Variants in ARK2C observed in about 807,000 individuals in gnomAD.
ARK2C encodes arkadia (RNF111) C-terminal like ring finger ubiquitin ligase 2C.
chr18:46,359,672 T>G, the ARK2C span, among the ~76,000 whole-genome samples: 1 of 152,166 alleles, frequency 6.6e-6, no homozygotes, highest in Non-Finnish European at 1.5e-5. Context: ...CAGGAAGAGG[T>G]CTGGAGGTAG....
the ARK2C span, among the ~76,000 whole-genome samples, chr18:46,436,663 G>A: frequency 6.6e-6 from 1 of 152,150 alleles, no homozygotes; most frequent in Non-Finnish European, 1.5e-5. Flanking sequence ...GGAAGTCGTG[G>A]CTTTCACATG....
chr18:46,361,105 T>C, the ARK2C span, among the ~76,000 whole-genome samples: 1 of 152,240 alleles, frequency 6.6e-6, no homozygotes, highest in Admixed American at 6.5e-5. Context: ...GAGCACATTT[T>C]TCCTGATGCC....
the ARK2C span, chr18:46,456,486 G>T: frequency 3.4e-5 from 51 of 1,497,606 alleles, no homozygotes; most frequent in Non-Finnish European, 4.0e-5. Context: ...CTCAGCTCTT[G>T]CCGGGCCTCT....
At chr18:46,363,596 A>G in the ARK2C span, among the ~76,000 whole-genome samples, 4 of 152,180 alleles carry the variant, frequency 2.6e-5, no homozygotes, top group African/African-American at 9.7e-5. Context: ...CACTCAGTGT[A>G]CAGCCCCATC....
At chr18:46,417,818 A>G in the ARK2C span, among the ~76,000 whole-genome samples, 1 of 152,132 alleles carries the variant, frequency 6.6e-6, no homozygotes. Context: ...AGCCTGGCCA[A>G]CATGGTGAAA....
chr18:46,368,387 A>G, the ARK2C span, among the ~76,000 whole-genome samples: 2 of 152,180 alleles, frequency 1.3e-5, no homozygotes, highest in Non-Finnish European at 2.9e-5. Context: ...CTAAACCCCC[A>G]GAACCACTGG....
At chr18:46,381,112 C>T in the ARK2C span, among the ~76,000 whole-genome samples, 1 of 152,378 alleles carries the variant, frequency 6.6e-6, no homozygotes, top group African/African-American at 2.4e-5. Flanking sequence ...ACAAGGCTAT[C>T]TCTCTGCCCT....
chr18:46,360,024 T>A, the ARK2C span, among the ~76,000 whole-genome samples: 2 of 152,170 alleles, frequency 1.3e-5, no homozygotes, highest in South Asian at 2.1e-4. Flanking sequence ...TTGGGAGACA[T>A]CTCAAGGTCT....
chr18:46,358,480 C>T, the ARK2C span, among the ~76,000 whole-genome samples: 5 of 152,292 alleles, frequency 3.3e-5, no homozygotes, highest in Admixed American at 1.3e-4. Context: ...AAGCCTGAAG[C>T]GTACCCGAAA....
At chr18:46,442,046 C>G in the ARK2C span, among the ~76,000 whole-genome samples, 2 of 150,900 alleles carry the variant, frequency 1.3e-5, no homozygotes, top group African/African-American at 4.9e-5. Context: ...GCCTGTAGTC[C>G]CAGCTACTCG....
At chr18:46,337,582 A>G in the ARK2C span, 7 of 985,000 alleles carry the variant, frequency 7.1e-6, no homozygotes, top group Non-Finnish European at 8.4e-6. Flanking sequence ...GCATGACGAC[A>G]TTGTTACACA....
chr18:46,338,579 C>T, the ARK2C span, among the ~76,000 whole-genome samples: 1 of 152,108 alleles, frequency 6.6e-6, no homozygotes, highest in Admixed American at 6.5e-5. Context: ...CAGGACCTAA[C>T]CCCAAATTGA....
the ARK2C span, among the ~76,000 whole-genome samples, chr18:46,441,189 T>A: frequency 5.3e-5 from 8 of 152,056 alleles, no homozygotes; most frequent in Non-Finnish European, 1.0e-4. Context: ...GACAGAGTCT[T>A]GCTATGTTGC....
chr18:46,337,657 T>C, the ARK2C span: 12 of 958,800 alleles, frequency 1.3e-5, no homozygotes, highest in Non-Finnish European at 1.4e-5. Flanking sequence ...ATTAACCTAG[T>C]GTGCTTTTTC....
the ARK2C span, among the ~76,000 whole-genome samples, chr18:46,364,488 AC>A: frequency 6.6e-6 from 1 of 151,958 alleles, no homozygotes; most frequent in Non-Finnish European, 1.5e-5. Context: ...TCCCCAGAGA[AC>A]CCTTCGTGAT....
the ARK2C span, chr18:46,450,304 T>C: frequency 9.3e-6 from 15 of 1,613,184 alleles, no homozygotes; most frequent in Non-Finnish European, 1.3e-5. Context: ...AGGTCGTCCA[T>C]GAAATCCGAA....
the ARK2C span, among the ~76,000 whole-genome samples, chr18:46,366,807 G>A: frequency 9.9e-5 from 15 of 152,194 alleles, no homozygotes; most frequent in East Asian, 5.8e-4. Flanking sequence ...CAACATGTAC[G>A]TGTGGACTAC....
the ARK2C span, among the ~76,000 whole-genome samples, chr18:46,449,264 G>A: frequency 1.9e-3 from 283 of 152,322 alleles, no homozygotes; most frequent in Non-Finnish European, 3.3e-3. Flanking sequence ...AGGGAAAGGC[G>A]AGTGAGGCAG....
the ARK2C span, among the ~76,000 whole-genome samples, chr18:46,441,019 G>A: frequency 3.9e-5 from 6 of 152,184 alleles, no homozygotes; most frequent in African/African-American, 1.4e-4. Context: ...TTTAGATACA[G>A]GGTCTTGCTC....
Sources: gnomAD v4.1 joint callset for allele counts (sites outside exome capture counted in the v4.1 genomes callset) on GRCh38, gnomAD v4.1.1 for gene constraint, MANE v1.5 for transcripts, NCBI Gene and HGNC (gene_info 2026-07-23, HGNC 2026-07-21) for gene names.